The following LPP variants were observed in gnomAD, a reference collection of about 807,000 sequenced individuals.
LPP encodes the protein LIM domain containing preferred translocation partner in lipoma, also known as lipoma-preferred partner.
In LPP, 38 loss-of-function variants were observed where a neutral mutation model predicts 60.4. That is an observed-to-expected ratio of 0.63 (90% CI 0.49 to 0.83). The LOEUF (loss-of-function observed/expected upper bound fraction) is 0.83, where lower values mean the gene tolerates loss of function less well. Among genes scored for constraint, LPP ranks in the 40% least tolerant of loss-of-function variants. The probability of loss-of-function intolerance (pLI) is 0.00; values close to 1 mark genes in which losing one functional copy is unlikely to be tolerated. For synonymous variants in LPP, 328 were observed against 290.8 expected (o/e 1.13, Z -1.30); for missense variants, 902 against 783.6 (o/e 1.15, Z -1.80).
chr3:188,847,558 T>G (rs892626009), intron 9 of LPP, among the ~76,000 whole-genome samples: 1 of 152,230 alleles, frequency 6.6e-6, no homozygotes, highest in East Asian at 1.9e-4. Flanking sequence ...TGAAAAGTAC[T>G]TATAGGTCAG....
intron 2 of LPP, among the ~76,000 whole-genome samples, chr3:188,303,658 A>G (rs1461471115): frequency 6.6e-6 from 1 of 152,132 alleles, no homozygotes; most frequent in African/African-American, 2.4e-5. Context: ...AAACATGCAA[A>G]TAGGATAAGA....
chr3:188,581,559 T>C (rs543837713), intron 6 of LPP, among the ~76,000 whole-genome samples: 2 of 152,176 alleles, frequency 1.3e-5, no homozygotes, highest in Non-Finnish European at 2.9e-5. Flanking sequence ...CTTTACTCAT[T>C]GACCACAGGA....
intron 4 of LPP, among the ~76,000 whole-genome samples, chr3:188,462,282 CAG>C (rs1393702659): frequency 6.6e-6 from 1 of 151,060 alleles, no homozygotes; most frequent in African/African-American, 2.4e-5. Context: ...AACTGAGAAA[CAG>C]AGATACTAAC....
intron 8 of LPP, among the ~76,000 whole-genome samples, chr3:188,756,372 T>C (rs1304266781): frequency 2.0e-5 from 3 of 152,236 alleles, no homozygotes; most frequent in Non-Finnish European, 2.9e-5. Context: ...CAGCAAGCTC[T>C]TCACACCAGC....
At chr3:188,269,379 T>G (rs1028667803) in intron 2 of LPP, among the ~76,000 whole-genome samples, 1 of 152,246 alleles carries the variant, frequency 6.6e-6, no homozygotes, top group African/African-American at 2.4e-5. Context: ...TCTTTCCTTT[T>G]AAGTATTACC....
intron 11 of LPP, among the ~76,000 whole-genome samples, chr3:188,873,102 T>G (rs1199982619): frequency 2.0e-5 from 3 of 152,216 alleles, no homozygotes; most frequent in Non-Finnish European, 4.4e-5. Context: ...ACATTTAACT[T>G]TGGCTCTGAG....
intron 2 of LPP, among the ~76,000 whole-genome samples, chr3:188,255,397 G>T (rs1731316727): frequency 6.6e-6 from 1 of 152,162 alleles, no homozygotes; most frequent in South Asian, 2.1e-4. Flanking sequence ...CCATGAAATT[G>T]GTGCTTTTCC....
At chr3:188,491,593 C>G (rs756691384) in intron 5 of LPP, among the ~76,000 whole-genome samples, 1 of 152,164 alleles carries the variant, frequency 6.6e-6, no homozygotes, top group Non-Finnish European at 1.5e-5. Context: ...ATAGCAGCAG[C>G]AGCTTGCTTT....
At chr3:188,845,258 G>A (rs1353445394) in intron 9 of LPP, among the ~76,000 whole-genome samples, 3 of 152,200 alleles carry the variant, frequency 2.0e-5, no homozygotes, top group African/African-American at 7.2e-5. Context: ...CTGCATTGCA[G>A]ATAAATTACC....
At chr3:188,579,329 G>T (rs953584514) in intron 6 of LPP, among the ~76,000 whole-genome samples, 2 of 152,208 alleles carry the variant, frequency 1.3e-5, no homozygotes, top group Non-Finnish European at 2.9e-5. Context: ...AAAAAGGTCG[G>T]AAAGTGACAT....
At chr3:188,240,635 T>C (rs537001361) in intron 2 of LPP, among the ~76,000 whole-genome samples, 1 of 152,274 alleles carries the variant, frequency 6.6e-6, no homozygotes, top group African/African-American at 2.4e-5. Context: ...GAAACTTTCA[T>C]ATAAAAAAGC....
rs898206253 is a variant in LPP, at chr3:188,885,597, A to G, written c.*11118A>G. On this transcript the variant is annotated 3_prime_UTR_variant, in exon 12 of 12. Transcript: ENST00000617246. Reference sequence around the variant, plus strand: ...TATTGTGAATAGTGCCGCAATAAACATAAGTGTGCATGTGTCTTTATAGCA... The same window carrying G: ...TATTGTGAATAGTGCCGCAATAAACGTAAGTGTGCATGTGTCTTTATAGCA... 3.1e-5 allele frequency: 5 copies of G among 161,610 alleles called. No individual in the cohort carries two copies. Among genetic ancestry groups the G allele is most frequent in the Admixed American group, 6.4e-5 (1 of 15,504 alleles). 10.0% of individuals were successfully genotyped at this position (161,610 alleles called of 1,614,324 possible). A position where few individuals can be genotyped will look rare whatever the true frequency, so the allele number is the denominator to read the frequency against.
At chr3:188,298,294 T>C (rs1289776769) in intron 2 of LPP, among the ~76,000 whole-genome samples, 2 of 152,164 alleles carry the variant, frequency 1.3e-5, no homozygotes, top group Non-Finnish European at 2.9e-5. Context: ...TGGATGCCGT[T>C]CTGTTATCCT....
chr3:188,866,698 G>C (rs1321228196), intron 10 of LPP, among the ~76,000 whole-genome samples: 2 of 152,078 alleles, frequency 1.3e-5, no homozygotes, highest in African/African-American at 4.8e-5. Context: ...GCCTAAATAT[G>C]AACAAAATTT....
chr3:188,293,335 C>T (rs762509988), intron 2 of LPP, among the ~76,000 whole-genome samples: 1 of 152,214 alleles, frequency 6.6e-6, no homozygotes, highest in Admixed American at 6.5e-5. Context: ...AACTATGGCT[C>T]CTAACGTGGG....
At chr3:188,800,326 A>G (rs1310276939) in intron 9 of LPP, among the ~76,000 whole-genome samples, 3 of 146,054 alleles carry the variant, frequency 2.1e-5, no homozygotes, top group Non-Finnish European at 1.5e-5. Context: ...GCTCACTGCA[A>G]GCTCCACCTC....
intron 8 of LPP, among the ~76,000 whole-genome samples, chr3:188,715,440 T>C (rs1713555995): frequency 6.7e-6 from 1 of 149,610 alleles, no homozygotes; most frequent in Non-Finnish European, 1.5e-5. Flanking sequence ...TGTAAATTAT[T>C]ATAATTTAGA....
intron 2 of LPP, among the ~76,000 whole-genome samples, chr3:188,340,530 A>G (rs1762791050): frequency 6.6e-6 from 1 of 150,568 alleles, no homozygotes. Context: ...TAGAAGTCTT[A>G]TATTTCTCAA....
intron 9 of LPP, among the ~76,000 whole-genome samples, chr3:188,788,795 G>T (rs950863620): frequency 1.3e-5 from 2 of 152,022 alleles, no homozygotes; most frequent in African/African-American, 2.4e-5. Context: ...ACGCCCCCCC[G>T]GCTCTAAACC....
Sources: allele counts gnomAD v4.1 joint callset (sites outside exome capture counted in the v4.1 genomes callset), GRCh38; gene constraint gnomAD v4.1.1; transcripts MANE v1.5; gene names NCBI Gene and HGNC (gene_info 2026-07-23, HGNC 2026-07-21).